Variants in ELF2 observed in about 807,000 individuals in gnomAD.
ELF2 encodes E74 like ETS transcription factor 2.
Under a neutral mutation model 54.8 loss-of-function variants are expected in ELF2, and 11 were observed. The observed-to-expected ratio is 0.20, with a 90% CI of 0.13 to 0.33. ELF2 has a LOEUF of 0.33. ELF2 is among the 10% of genes least tolerant of loss of function. The pLI is 1.00. For missense variants in ELF2, 513 were observed against 703.0 expected, an observed-to-expected ratio of 0.73 and a Z score of 3.06; for synonymous variants, 203 against 245.1, an observed-to-expected ratio of 0.83 and a Z score of 1.61.
intron 4 of ELF2, among the ~76,000 whole-genome samples, chr4:139,073,899 G>A (rs1023817948): frequency 5.9e-5 from 9 of 152,168 alleles, no homozygotes; most frequent in Non-Finnish European, 7.3e-5. Flanking sequence ...GGGAGGCCAA[G>A]GAGGGTAGAC....
Position 139,133,419 on chromosome 4 carries a change from G to A in ELF2, c.72+4211C>T, listed in dbSNP as rs551624699. The stretch of plus-strand genomic sequence containing the variant: ...TAACGTTCCATTGATCTACATGTCT[G>A]TTGGCACACCAATAACCACACTGCC... On this transcript the variant is annotated intron_variant, in intron 3 of 9. Transcript: ENST00000686138. Among the ~76,000 whole-genome samples the A allele has an allele frequency of 4.6e-5, 7 of 152,232 alleles. 1 individual carries two copies. The South Asian group carries it at 1.5e-3, about 32-fold the overall frequency.
intron 1 of ELF2, among the ~76,000 whole-genome samples, chr4:139,151,769 T>C (rs1242569819): frequency 6.6e-6 from 1 of 152,238 alleles, no homozygotes; most frequent in East Asian, 1.9e-4. Flanking sequence ...CTTCAAAGTT[T>C]GTCATGAAAA....
intron 3 of ELF2, among the ~76,000 whole-genome samples, chr4:139,130,580 C>T (rs770421920): frequency 1.8e-4 from 28 of 152,146 alleles, no homozygotes; most frequent in Non-Finnish European, 3.2e-4. Context: ...TTCTATCCTA[C>T]GTATTTATAG....
At chr4:139,099,200 A>T (rs1320473139) in intron 4 of ELF2, among the ~76,000 whole-genome samples, 1 of 152,214 alleles carries the variant, frequency 6.6e-6, no homozygotes, top group Non-Finnish European at 1.5e-5. Flanking sequence ...TCTCTCAACC[A>T]TACCTGTCTA....
At chr4:139,104,742 T>C (rs1193515692) in intron 4 of ELF2, among the ~76,000 whole-genome samples, 2 of 152,116 alleles carry the variant, frequency 1.3e-5, no homozygotes, top group East Asian at 3.8e-4. Context: ...AATAATGAGA[T>C]TTAGGAATAC....
intron 1 of ELF2, among the ~76,000 whole-genome samples, chr4:139,162,567 T>C (rs918298750): frequency 6.6e-6 from 1 of 152,092 alleles, no homozygotes. Flanking sequence ...TAAATACAAA[T>C]GGAATAAATG....
chr4:139,080,971 C>G (rs1731033898), intron 4 of ELF2, among the ~76,000 whole-genome samples: 1 of 150,458 alleles, frequency 6.6e-6, no homozygotes, highest in Admixed American at 6.6e-5. Flanking sequence ...CAAGGAGAAG[C>G]CCTACCTTTC....
At position 139,116,363 on chromosome 4, in the gene ELF2, CA is replaced by C. The variant is rs200960725; in HGVS notation, c.238+8800del. ...TTAGAAGCAAAACCAACAGAAATGA[CA>C]AAAAAAAAAAATGACTTAAAGACGT... On this transcript the variant is annotated intron_variant, in intron 4 of 9. Transcript: ENST00000686138. 6.3e-3 allele frequency among the ~76,000 whole-genome samples: 820 copies of C among 129,846 alleles called. 3 individuals carry two copies. The highest frequency in any genetic ancestry group is 0.016 in the African/African-American group (560 of 35,478). The allele number at this position is 129,846 out of a possible 152,430, so 85.2% of individuals were successfully genotyped here. A position where few individuals can be genotyped will look rare whatever the true frequency, so the allele number is the denominator to read the frequency against.
chr4:139,066,625 G>A (rs939101363), intron 7 of ELF2: 4 of 151,782 alleles, frequency 2.6e-5, no homozygotes, highest in Non-Finnish European at 5.9e-5. Context: ...AGTGGCTCAC[G>A]CTTATAATCT....
At chr4:139,106,399 G>A (rs943246705) in intron 4 of ELF2, among the ~76,000 whole-genome samples, 1 of 152,140 alleles carries the variant, frequency 6.6e-6, no homozygotes, top group Non-Finnish European at 1.5e-5. Flanking sequence ...AAAAAAGGTA[G>A]ATGACAGTTA....
At chr4:139,152,327 G>A (rs1740083473) in intron 1 of ELF2, among the ~76,000 whole-genome samples, 1 of 151,878 alleles carries the variant, frequency 6.6e-6, no homozygotes, top group African/African-American at 2.4e-5. Context: ...ATTGTAATTT[G>A]TAGTCTACAC....
rs140014489 is a variant in ELF2, at chr4:139,057,488, T to A, written c.*1495A>T. ...AGTGACAGACAGTAGTAAAATTACA[T>A]AGTTTATGTAATCCTTCAGATACCT... is the stretch of plus-strand genomic sequence containing the variant. On this transcript the variant is annotated 3_prime_UTR_variant, in exon 10 of 10. Coordinates refer to ENST00000686138, the MANE Select transcript of ELF2 (RefSeq NM_001331036.3). 6.6e-6 allele frequency: 1 copy of A among 152,228 alleles called. No individual in the cohort carries two copies. Among genetic ancestry groups the A allele is most frequent in the African/African-American group, 2.4e-5 (1 of 41,464 alleles). 9.4% of individuals were successfully genotyped at this position (152,228 alleles called of 1,614,324 possible). A position where few individuals can be genotyped will look rare whatever the true frequency, so the allele number is the denominator to read the frequency against.
chr4:139,109,758 T>C (rs527395954), intron 4 of ELF2, among the ~76,000 whole-genome samples: 1 of 152,310 alleles, frequency 6.6e-6, no homozygotes, highest in South Asian at 2.1e-4. Context: ...AAGTGGGAGC[T>C]AAATTTTGGG....
At chr4:139,159,003 C>G (rs995390772) in intron 1 of ELF2, among the ~76,000 whole-genome samples, 18 of 152,060 alleles carry the variant, frequency 1.2e-4, no homozygotes, top group African/African-American at 4.3e-4. Flanking sequence ...TAATAAAGGC[C>G]GGTCCGTTAT....
At chr4:139,169,237 A>G (rs1390882251) in intron 1 of ELF2, among the ~76,000 whole-genome samples, 3 of 151,924 alleles carry the variant, frequency 2.0e-5, no homozygotes, top group Non-Finnish European at 2.9e-5. Flanking sequence ...AGTCCCAGGT[A>G]CGTGGAAAGT....
At chr4:139,085,866 G>A (rs551583974) in intron 4 of ELF2, among the ~76,000 whole-genome samples, 9 of 152,134 alleles carry the variant, frequency 5.9e-5, no homozygotes, top group South Asian at 2.1e-4. Flanking sequence ...CAGGAGTTTC[G>A]GGTTGCAGTG....
chr4:139,125,082 A>G (rs1736781769), intron 4 of ELF2, 82 bp downstream of exon 4: 2 of 1,508,058 alleles, frequency 1.3e-6, no homozygotes, highest in East Asian at 2.3e-5. Flanking sequence ...GTTTTTCAGT[A>G]TATTTTTCAT....
intron 4 of ELF2, among the ~76,000 whole-genome samples, chr4:139,111,714 C>G (rs1470883995): frequency 6.6e-6 from 1 of 152,132 alleles, no homozygotes; most frequent in Non-Finnish European, 1.5e-5. Context: ...ATGATTCCTC[C>G]TCCTGAAACA....
intron 4 of ELF2, chr4:139,084,535 C>G: frequency 1.6e-6 from 1 of 630,742 alleles, no homozygotes; most frequent in Non-Finnish European, 2.0e-6. Flanking sequence ...GTCCCGGACG[C>G]TTGCTCCAGA....
Sources: gnomAD v4.1 joint callset for allele counts (sites outside exome capture counted in the v4.1 genomes callset) on GRCh38, gnomAD v4.1.1 for gene constraint, MANE v1.5 for transcripts, NCBI Gene and HGNC (gene_info 2026-07-23, HGNC 2026-07-21) for gene names.